The following ATP11C variants were observed in gnomAD, a reference collection of about 807,000 sequenced individuals.
ATP11C encodes ATPase phospholipid transporting 11C (ATP11C blood group), also known as phospholipid-transporting ATPase IG.
A neutral mutation model predicts 97.4 loss-of-function variants in ATP11C; 36 were observed. The ratio of observed to expected loss-of-function variants is 0.37; its 90% CI spans 0.28 to 0.49. The LOEUF (loss-of-function observed/expected upper bound fraction) is 0.49. ATP11C is among the 20% of genes least tolerant of loss of function. The pLI is 0.98. For missense variants in ATP11C, 730 were observed against 824.6 expected (o/e 0.89, Z 1.40); for synonymous variants, 275 against 290.9 (o/e 0.95, Z 0.56).
intron 1 of ATP11C, among the ~76,000 whole-genome samples, chrX:139,829,508 T>C (rs2083600111): frequency 1.8e-5 from 2 of 111,883 alleles, no homozygotes; most frequent in South Asian, 3.7e-4. Context: ...GTAGAAATCA[T>C]TTTTAAAATT....
intron 29 of ATP11C, 99 bp from the exon 30 acceptor site, chrX:139,729,061 G>T: frequency 1.6e-6 from 1 of 637,576 alleles, no homozygotes; most frequent in Non-Finnish European, 2.4e-6. Flanking sequence ...TTTGTTATGA[G>T]AGTAAAGCAA....
intron 1 of ATP11C, among the ~76,000 whole-genome samples, chrX:139,860,411 T>C (rs781214381): frequency 8.9e-6 from 1 of 112,073 alleles, no homozygotes; most frequent in East Asian, 2.8e-4. Flanking sequence ...AGAATACCCT[T>C]GAAGAAAAGC....
intron 1 of ATP11C, among the ~76,000 whole-genome samples, chrX:139,867,131 T>G (rs1286820026): frequency 8.9e-6 from 1 of 111,947 alleles, no homozygotes; most frequent in Non-Finnish European, 1.9e-5. Flanking sequence ...CAGCTGAATT[T>G]GTTGAATCGT....
chrX:139,774,166 C>A (rs1167286490), intron 19 of ATP11C, among the ~76,000 whole-genome samples: 3 of 111,727 alleles, frequency 2.7e-5, no homozygotes, highest in Admixed American at 1.9e-4. Flanking sequence ...TTCCCTGACA[C>A]CTTTATGTTC....
chrX:139,870,689 G>A (rs1158657906), intron 1 of ATP11C, among the ~76,000 whole-genome samples: 1 of 112,469 alleles, frequency 8.9e-6, no homozygotes, highest in East Asian at 2.8e-4. Flanking sequence ...ATACCCATAT[G>A]AAATAATTTG....
At chrX:139,901,202 G>C (rs2084894814) in intron 1 of ATP11C, among the ~76,000 whole-genome samples, 1 of 111,664 alleles carries the variant, frequency 9.0e-6, no homozygotes, top group Admixed American at 9.5e-5. Flanking sequence ...CCCAAATGAA[G>C]CATGGCCCTG....
chrX:139,924,614 T>C lies in ATP11C; in HGVS notation c.27+7402A>G, dbSNP rs372645231. ...CACTCTGCTTAAGCTGTGTAAACAA[T>C]AGGGTTTACACTGAATACCTGCTTT... On this transcript the variant is annotated intron_variant, in intron 1 of 29. Coordinates refer to ENST00000682941, the MANE Select transcript of ATP11C (RefSeq NM_001353812.2). Among the ~76,000 whole-genome samples the C allele has an allele frequency of 3.6e-5, 4 of 111,037 alleles. No individual in the cohort carries two copies. The East Asian group carries it at 1.1e-3, about 32-fold the overall frequency.
intron 25 of ATP11C, 44 bp downstream of exon 25, chrX:139,745,678 C>A: frequency 8.6e-7 from 1 of 1,168,302 alleles, no homozygotes; most frequent in Middle Eastern, 2.5e-4. Flanking sequence ...AAAAGACAAG[C>A]CATGCTTATA....
chrX:139,775,722 T>C (rs1340543024), intron 18 of ATP11C, among the ~76,000 whole-genome samples: 1 of 112,747 alleles, frequency 8.9e-6, no homozygotes, highest in African/African-American at 3.2e-5. Context: ...CCTAGGGCAA[T>C]GCCATCAGTG....
At chrX:139,790,992 T>C (rs2082680140) in intron 12 of ATP11C, among the ~76,000 whole-genome samples, 1 of 111,500 alleles carries the variant, frequency 9.0e-6, no homozygotes, top group Admixed American at 9.6e-5. Context: ...TTTGGCAATT[T>C]ATGCTTAAAT....
At chrX:139,877,850 C>T (rs1385709472) in intron 1 of ATP11C, among the ~76,000 whole-genome samples, 1 of 111,505 alleles carries the variant, frequency 9.0e-6, no homozygotes, top group East Asian at 2.8e-4. Flanking sequence ...GATGAAACCC[C>T]GTCTCTACCA....
At chrX:139,785,339 C>T in intron 15 of ATP11C, 40 bp from the exon 16 acceptor site, 1 of 985,104 alleles carries the variant, frequency 1.0e-6, no homozygotes, top group Non-Finnish European at 1.4e-6. Flanking sequence ...CTAGAATATA[C>T]TGAGAAAAAT....
At chrX:139,890,019 G>T (rs1386269404) in intron 1 of ATP11C, among the ~76,000 whole-genome samples, 2 of 111,745 alleles carry the variant, frequency 1.8e-5, no homozygotes, top group Non-Finnish European at 3.8e-5. Context: ...GAAGAGAAGG[G>T]GTGAAGTATT....
chrX:139,804,392 A>T, intron 6 of ATP11C, 79 bp downstream of exon 6: 1 of 755,100 alleles, frequency 1.3e-6, no homozygotes, highest in Non-Finnish European at 1.9e-6. Context: ...AAAATAAAAG[A>T]TTAGAGGGTG....
chrX:139,919,184 A>G (rs886771743), intron 1 of ATP11C, among the ~76,000 whole-genome samples: 1 of 109,962 alleles, frequency 9.1e-6, no homozygotes, highest in African/African-American at 3.3e-5. Context: ...CAGACATGGC[A>G]GTGAGCCGAG....
chrX:139,828,284 A>G (rs1174379311), intron 1 of ATP11C, among the ~76,000 whole-genome samples: 2 of 112,269 alleles, frequency 1.8e-5, no homozygotes, highest in Non-Finnish European at 3.8e-5. Context: ...ATTTTCACAC[A>G]GTTCCTGGAA....
intron 4 of ATP11C, among the ~76,000 whole-genome samples, chrX:139,815,539 G>A (rs1283237362): frequency 9.0e-6 from 1 of 111,649 alleles, no homozygotes; most frequent in Non-Finnish European, 1.9e-5. Flanking sequence ...CTTTTCAACT[G>A]ACTTGGTGAC....
At chrX:139,808,809 TA>T (rs1396979212) in intron 5 of ATP11C, among the ~76,000 whole-genome samples, 9 of 112,496 alleles carry the variant, frequency 8.0e-5, no homozygotes, top group Admixed American at 9.4e-5. Context: ...TTCTTATTGT[TA>T]ATCTTTTAAA....
At chrX:139,741,127 G>A (rs200448452) in intron 26 of ATP11C, 33 bp from the exon 27 acceptor site, 19 of 936,438 alleles carry the variant, frequency 2.0e-5, no homozygotes, top group East Asian at 1.2e-4. Context: ...ATTTCACGAC[G>A]GTTACGAATT....
Sources: allele counts gnomAD v4.1 joint callset (sites outside exome capture counted in the v4.1 genomes callset), GRCh38; gene constraint gnomAD v4.1.1; transcripts MANE v1.5; gene names NCBI Gene and HGNC (gene_info 2026-07-23, HGNC 2026-07-21).